Variants in ARSB observed in about 807,000 individuals in gnomAD.
ARSB encodes arylsulfatase B, also known as N-acetylgalactosamine-4-sulfatase.
ARSB carries 41 observed loss-of-function variants against 50.9 expected under a neutral mutation model. The observed-to-expected ratio is 0.81, with a 90% CI of 0.63 to 1.04. ARSB has a LOEUF of 1.04. Ranked by LOEUF, ARSB falls within the 50% of genes least tolerant of loss-of-function variation. ARSB has a pLI of 0.00. For synonymous variants in ARSB, 269 were observed against 284.8 expected (o/e 0.94, Z 0.56); for missense variants, 672 against 693.3 (o/e 0.97, Z 0.35).
intron 5 of ARSB, among the ~76,000 whole-genome samples, chr5:78,867,842 C>T (rs1189617247): frequency 6.7e-6 from 1 of 148,550 alleles, no homozygotes; most frequent in East Asian, 2.0e-4. Context: ...GAGAAGAAGG[C>T]TTCAGACGAT....
chr5:78,825,032 C>T (rs1744375377), intron 6 of ARSB, among the ~76,000 whole-genome samples: 1 of 152,078 alleles, frequency 6.6e-6, no homozygotes, highest in Non-Finnish European at 1.5e-5. Context: ...AAAAGTAGGC[C>T]TACGGTCAGG....
chr5:78,969,218 A>G lies in ARSB; in HGVS notation c.313-26T>C, dbSNP rs3733895. The G allele has an allele frequency of 0.35, 562,488 of 1,611,296 alleles. 101,097 individuals carry two copies. Among genetic ancestry groups the G allele is most frequent in the Non-Finnish European group, 0.37 (436,685 of 1,177,752 alleles). On this transcript the variant is annotated intron_variant, in intron 1 of 7. Coordinates refer to ENST00000264914, the MANE Select transcript of ARSB (RefSeq NM_000046.5). ...CTTACAGAGATAAACATAAAATTATAGATTAATGACATTGAAATATTGTGA... is the reference window on the plus strand; with the variant it reads ...CTTACAGAGATAAACATAAAATTATGGATTAATGACATTGAAATATTGTGA...
intron 5 of ARSB, among the ~76,000 whole-genome samples, chr5:78,874,782 A>G (rs908667507): frequency 6.6e-6 from 1 of 152,194 alleles, no homozygotes; most frequent in Non-Finnish European, 1.5e-5. Flanking sequence ...TGTGGACAAC[A>G]AGAAAGACCA....
intron 4 of ARSB, among the ~76,000 whole-genome samples, chr5:78,898,614 G>A (rs767130376): frequency 2.0e-5 from 3 of 152,170 alleles, no homozygotes; most frequent in Non-Finnish European, 4.4e-5. Context: ...TTATTGTACA[G>A]TTCTGCAGGC....
chr5:78,913,030 T>C (rs1749374476), intron 4 of ARSB, among the ~76,000 whole-genome samples: 1 of 152,078 alleles, frequency 6.6e-6, no homozygotes, highest in African/African-American at 2.4e-5. Context: ...CATTTCCTGG[T>C]CAGCTGGAGC....
At chr5:78,801,019 G>A (rs997594422) in intron 6 of ARSB, among the ~76,000 whole-genome samples, 1 of 150,016 alleles carries the variant, frequency 6.7e-6, no homozygotes. Flanking sequence ...CTGGCTTGAG[G>A]AGGACAAAGT....
At chr5:78,870,176 T>A (rs1338731243) in intron 5 of ARSB, among the ~76,000 whole-genome samples, 1 of 148,746 alleles carries the variant, frequency 6.7e-6, no homozygotes, top group Non-Finnish European at 1.5e-5. Flanking sequence ...TAATCAATAT[T>A]TTACCAACCA....
At chr5:78,890,163 G>A (rs1748221713) in intron 4 of ARSB, among the ~76,000 whole-genome samples, 1 of 151,874 alleles carries the variant, frequency 6.6e-6, no homozygotes, top group Admixed American at 6.6e-5. Flanking sequence ...TAAAGGATTC[G>A]GTAAATTCAA....
At chr5:78,829,212 G>A (rs1349272084) in intron 6 of ARSB, among the ~76,000 whole-genome samples, 2 of 152,316 alleles carry the variant, frequency 1.3e-5, no homozygotes, top group East Asian at 1.9e-4. Flanking sequence ...CAAAAAATAC[G>A]AAAATAGAGT....
intron 5 of ARSB, among the ~76,000 whole-genome samples, chr5:78,852,404 T>C (rs1372079768): frequency 1.4e-4 from 22 of 152,360 alleles, no homozygotes; most frequent in Admixed American, 7.8e-4. Flanking sequence ...CTCTGGCTTG[T>C]AGAGTTTCTG....
chr5:78,970,077 C>A (rs193060203), intron 1 of ARSB, among the ~76,000 whole-genome samples: 19 of 152,260 alleles, frequency 1.2e-4, no homozygotes, highest in Non-Finnish European at 2.6e-4. Flanking sequence ...GGCATAAGGT[C>A]CATACAGCAA....
intron 6 of ARSB, among the ~76,000 whole-genome samples, chr5:78,837,897 C>T (rs547362367): frequency 9.9e-5 from 15 of 152,254 alleles, no homozygotes; most frequent in African/African-American, 2.4e-4. Flanking sequence ...CACTGACATG[C>T]GTTTACTCCA....
intron 1 of ARSB, among the ~76,000 whole-genome samples, chr5:78,977,699 G>T (rs956724397): frequency 6.6e-6 from 1 of 152,166 alleles, no homozygotes; most frequent in African/African-American, 2.4e-5. Flanking sequence ...TGCACTGGAG[G>T]TCCTATCCAG....
At position 78,975,304 on chromosome 5, in the gene ARSB, C is replaced by A. The variant is rs770323262; in HGVS notation, c.313-6112G>T. On this transcript the variant is annotated intron_variant, in intron 1 of 7. Transcript: ENST00000264914. The stretch of plus-strand genomic sequence containing the variant: ...CATGCCCTCTTCTGCCTGCAGCATG[C>A]ATCTTTCCTGCTCACCTTCTTGAAG... Among the ~76,000 whole-genome samples, 20 of 152,296 alleles carry A rather than the reference C, an allele frequency of 1.3e-4. No individual in the cohort carries two copies. The Middle Eastern group carries it at 0.01, about 78-fold the overall frequency.
intron 4 of ARSB, among the ~76,000 whole-genome samples, chr5:78,937,061 C>T (rs915071626): frequency 6.6e-6 from 1 of 151,920 alleles, no homozygotes; most frequent in African/African-American, 2.4e-5. Context: ...GCCTGTCCAA[C>T]ATAACATAGC....
chr5:78,854,199 T>C (rs1329738275), intron 5 of ARSB, among the ~76,000 whole-genome samples: 1 of 152,278 alleles, frequency 6.6e-6, no homozygotes, highest in Non-Finnish European at 1.5e-5. Context: ...TTCAGCCATC[T>C]TGGCTGCCAG....
At chr5:78,957,281 G>A (rs1383274107) in intron 3 of ARSB, among the ~76,000 whole-genome samples, 1 of 152,136 alleles carries the variant, frequency 6.6e-6, no homozygotes, top group Non-Finnish European at 1.5e-5. Flanking sequence ...AACAGACTTT[G>A]GTGGGGGGGT....
chr5:78,884,041 T>A (rs1438842013), intron 5 of ARSB: 1 of 152,174 alleles, frequency 6.6e-6, no homozygotes, highest in African/African-American at 2.4e-5. Flanking sequence ...CTTAAATGCC[T>A]ACAGAGACTA....
intron 5 of ARSB, among the ~76,000 whole-genome samples, chr5:78,844,541 T>G (rs1174452814): frequency 6.6e-6 from 1 of 152,180 alleles, no homozygotes; most frequent in Non-Finnish European, 1.5e-5. Context: ...AGTTTGCATT[T>G]TGATGTAGTT....
Sources: allele counts gnomAD v4.1 joint callset (sites outside exome capture counted in the v4.1 genomes callset), GRCh38; gene constraint gnomAD v4.1.1; transcripts MANE v1.5; gene names NCBI Gene and HGNC (gene_info 2026-07-23, HGNC 2026-07-21).